WASF1: variants seen among roughly 807,000 people sequenced by gnomAD.
The protein encoded by WASF1 is actin-binding protein WASF1.
WASF1 carries 7 observed loss-of-function variants against 50.5 expected under a neutral mutation model. That is an observed-to-expected ratio of 0.14 (90% CI 0.08 to 0.26). WASF1 has a LOEUF of 0.26. WASF1 is among the 10% of genes least tolerant of loss of function. The pLI, the probability that WASF1 is intolerant of heterozygous loss-of-function variation, is 1.00. For missense variants in WASF1, 470 were observed against 694.7 expected (o/e 0.68, Z 3.64); for synonymous variants, 205 against 244.0 (o/e 0.84, Z 1.49).
intron 4 of WASF1, among the ~76,000 whole-genome samples, chr6:110,124,608 C>CA (rs1272325677): frequency 1.3e-5 from 2 of 152,044 alleles, no homozygotes; most frequent in African/African-American, 2.4e-5. Flanking sequence ...AAAAATCTCA[C>CA]AAAAAACAGA....
At chr6:110,164,318 T>C (rs1776381983) in intron 2 of WASF1, among the ~76,000 whole-genome samples, 2 of 151,680 alleles carry the variant, frequency 1.3e-5, no homozygotes, top group Admixed American at 1.3e-4. Context: ...AAGACTGTTA[T>C]TCAGAATATA....
intron 5 of WASF1, among the ~76,000 whole-genome samples, chr6:110,112,707 C>T (rs925891426): frequency 6.6e-6 from 1 of 151,842 alleles, no homozygotes. Flanking sequence ...CGAGACCAGC[C>T]GGACCAACAT....
chr6:110,164,650 T>C (rs997784827), intron 2 of WASF1, among the ~76,000 whole-genome samples: 1 of 151,636 alleles, frequency 6.6e-6, no homozygotes, highest in African/African-American at 2.4e-5. Flanking sequence ...CAGTTTCTTA[T>C]AAAATGAAAC....
At chr6:110,107,388 C>T (rs1422466979) in intron 6 of WASF1, among the ~76,000 whole-genome samples, 194 bp from the exon 7 acceptor site, 3 of 152,110 alleles carry the variant, frequency 2.0e-5, no homozygotes. Flanking sequence ...AGTGGTAAAG[C>T]AGATGCTTTT....
chr6:110,159,720 C>T (rs139237810), intron 3 of WASF1, among the ~76,000 whole-genome samples: 8 of 151,936 alleles, frequency 5.3e-5, no homozygotes, highest in South Asian at 2.1e-4. Context: ...GGATAGGACC[C>T]AAGTTTAAAC....
intron 3 of WASF1, among the ~76,000 whole-genome samples, chr6:110,136,119 C>T (rs1176441446): frequency 6.6e-6 from 1 of 151,648 alleles, no homozygotes; most frequent in Non-Finnish European, 1.5e-5. Flanking sequence ...CTCCTGACCT[C>T]GTGATCTGCC....
intron 2 of WASF1, among the ~76,000 whole-genome samples, chr6:110,170,224 T>C (rs1776647739): frequency 6.6e-6 from 1 of 152,052 alleles, no homozygotes; most frequent in Non-Finnish European, 1.5e-5. Flanking sequence ...AGGACATTTT[T>C]TGGGGGTGGA....
chr6:110,136,435 T>C (rs1167730216), intron 3 of WASF1, among the ~76,000 whole-genome samples: 1 of 152,232 alleles, frequency 6.6e-6, no homozygotes, highest in Non-Finnish European at 1.5e-5. Context: ...CTAATGTACC[T>C]ACATCTTCTA....
Position 110,128,345 on chromosome 6 carries a change from G to A in WASF1, c.-28-716C>T, listed in dbSNP as rs78340255. Among the ~76,000 whole-genome samples, 1,123 of 152,218 alleles carry A rather than the reference G, an allele frequency of 7.4e-3. 13 individuals are homozygous for A. The highest frequency in any genetic ancestry group is 0.025 in the African/African-American group (1,051 of 41,528). The stretch of plus-strand genomic sequence containing the variant: ...ACTATAATAGGGATTTTGTTCTAGA[G>A]AGTTAGTGTGAGATGTCCTCTCTAA... On this transcript the variant is annotated intron_variant, in intron 3 of 10. Coordinates refer to ENST00000392589, the MANE Select transcript of WASF1 (RefSeq NM_003931.3).
In WASF1 at chr6:110,176,837, G is replaced by A. The variant is rs566179555; in HGVS notation, c.-127+1761C>T. Among the ~76,000 whole-genome samples, 22 of 151,990 alleles carry A rather than the reference G, an allele frequency of 1.4e-4. No individual in the cohort carries two copies. The South Asian group carries it at 2.5e-3, about 17-fold the overall frequency. ...CATTATAAAACAAATTCTCAAAAAC[G>A]AAACCATACAATAGTAACTTTAAAC... is the stretch of plus-strand genomic sequence containing the variant. On this transcript the variant is annotated intron_variant, in intron 2 of 10. Coordinates refer to ENST00000392589, the MANE Select transcript of WASF1 (RefSeq NM_003931.3).
chr6:110,135,922 C>T (rs1774942951), intron 3 of WASF1, among the ~76,000 whole-genome samples: 1 of 123,454 alleles, frequency 8.1e-6, no homozygotes, highest in African/African-American at 3.1e-5. Context: ...CTCGCTCTGT[C>T]GCCCAGGCTA....
intron 9 of WASF1, among the ~76,000 whole-genome samples, 155 bp from the exon 10 acceptor site, chr6:110,102,371 A>G (rs1278723915): frequency 2.0e-5 from 3 of 146,838 alleles, no homozygotes; most frequent in South Asian, 2.1e-4. Context: ...CAGTATTTAG[A>G]AAAAAAAAAA....
intron 3 of WASF1, among the ~76,000 whole-genome samples, chr6:110,132,775 G>A (rs1774742630): frequency 6.6e-6 from 1 of 151,850 alleles, no homozygotes; most frequent in Non-Finnish European, 1.5e-5. Context: ...TTATGAGTGA[G>A]AACATACAAT....
chr6:110,133,318 C>T (rs1348758002), intron 3 of WASF1, among the ~76,000 whole-genome samples: 7 of 151,434 alleles, frequency 4.6e-5, no homozygotes, highest in Non-Finnish European at 8.8e-5. Flanking sequence ...GTGCAAGTAT[C>T]TTTTTTGTAA....
chr6:110,174,482 A>G (rs1265577348), intron 2 of WASF1, among the ~76,000 whole-genome samples: 1 of 152,180 alleles, frequency 6.6e-6, no homozygotes, highest in Non-Finnish European at 1.5e-5. Flanking sequence ...GCAGGCAGGC[A>G]GAATTGTTAT....
intron 3 of WASF1, among the ~76,000 whole-genome samples, chr6:110,158,406 C>T (rs551879312): frequency 0.012 from 1,568 of 129,332 alleles, 105 homozygotes; most frequent in African/African-American, 0.049. Flanking sequence ...GGTGATATCC[C>T]CTTTATCATT....
intron 3 of WASF1, among the ~76,000 whole-genome samples, chr6:110,127,942 G>A (rs1448549368): frequency 1.3e-5 from 2 of 151,558 alleles, no homozygotes. Context: ...TTATTTTATT[G>A]TAAGAATGCA....
At chr6:110,109,887 A>C (rs1395562748) in intron 5 of WASF1, among the ~76,000 whole-genome samples, 1 of 152,042 alleles carries the variant, frequency 6.6e-6, no homozygotes, top group East Asian at 1.9e-4. Flanking sequence ...CCTTCTCCTT[A>C]AAATAATATT....
intron 3 of WASF1, among the ~76,000 whole-genome samples, chr6:110,144,951 T>C (rs1005364872): frequency 2.6e-5 from 4 of 152,128 alleles, no homozygotes; most frequent in African/African-American, 9.7e-5. Flanking sequence ...GGCTCTTTTT[T>C]GGTTCCATAT....
Sources: allele counts gnomAD v4.1 joint callset (sites outside exome capture counted in the v4.1 genomes callset), GRCh38; gene constraint gnomAD v4.1.1; transcripts MANE v1.5; gene names NCBI Gene and HGNC (gene_info 2026-07-23, HGNC 2026-07-21).